Variants in EFHC1 observed in about 807,000 individuals in gnomAD.
EFHC1 encodes EF-hand domain-containing protein 1.
A neutral mutation model predicts 69.9 loss-of-function variants in EFHC1; 53 were observed. The observed-to-expected ratio is 0.76, with a 90% confidence interval of 0.61 to 0.95. EFHC1 has a LOEUF of 0.95. Ranked by LOEUF, EFHC1 falls within the 40% of genes least tolerant of loss-of-function variation. The pLI is 0.00. For missense variants in EFHC1, 739 were observed against 798.7 expected (o/e 0.93, Z 0.90); for synonymous variants, 256 against 278.4 (o/e 0.92, Z 0.80).
intron 1 of EFHC1, among the ~76,000 whole-genome samples, chr6:52,421,441 T>TTA (rs1554257728): frequency 6.6e-6 from 1 of 152,056 alleles, no homozygotes; most frequent in Non-Finnish European, 1.5e-5. Flanking sequence ...TTTTTTTTTT[T>TTA]AAACTCTTGC....
chr6:52,421,045 T>C lies in EFHC1; in HGVS notation c.63+572T>C, dbSNP rs1037441774. The C allele has an allele frequency of 4.0e-6, 4 of 996,568 alleles. No individual in the cohort carries two copies. The East Asian group carries it at 4.3e-4, about 108-fold the overall frequency. 61.7% of individuals were successfully genotyped at this position (996,568 alleles called of 1,614,324 possible). A position where few individuals can be genotyped will look rare whatever the true frequency, so the allele number is the denominator to read the frequency against. Reference sequence around the variant, plus strand: ...ATTTCCTGTTTTGTATGTATATCGATTCCGCTCCTCTTCTTTCCGCCAGGT... The same window carrying C: ...ATTTCCTGTTTTGTATGTATATCGACTCCGCTCCTCTTCTTTCCGCCAGGT... On this transcript the variant is annotated intron_variant, in intron 1 of 10. Transcript: ENST00000371068.
At chr6:52,482,938 G>T (rs949555791) in intron 9 of EFHC1, 1 of 397,888 alleles carries the variant, frequency 2.5e-6, no homozygotes, top group African/African-American at 2.1e-5. Flanking sequence ...ATCCTTATTG[G>T]CCAATTCTCT....
At chr6:52,492,181 C>T (rs552510973) in intron 10 of EFHC1, 89 bp from the exon 11 acceptor site, 34 of 1,156,378 alleles carry the variant, frequency 2.9e-5, no homozygotes, top group Non-Finnish European at 4.0e-5. Flanking sequence ...TACAAAGGCT[C>T]GGGATCATTA....
At chr6:52,489,729 TA>T in intron 9 of EFHC1, among the ~76,000 whole-genome samples, 1 of 152,352 alleles carries the variant, frequency 6.6e-6, no homozygotes, top group East Asian at 1.9e-4. Flanking sequence ...GATCTATAGC[TA>T]TATATTTATA....
intron 1 of EFHC1, among the ~76,000 whole-genome samples, chr6:52,422,847 A>G (rs780011986): frequency 6.6e-6 from 1 of 152,206 alleles, no homozygotes; most frequent in Admixed American, 6.5e-5. Context: ...TTCCATGCTT[A>G]TAATTGCAGT....
At chr6:52,438,133 G>C (rs563789359) in intron 2 of EFHC1, among the ~76,000 whole-genome samples, 171 bp from the exon 3 acceptor site, 3 of 152,252 alleles carry the variant, frequency 2.0e-5, no homozygotes, top group African/African-American at 7.2e-5. Flanking sequence ...TTTGTCCCAT[G>C]GACTATAGTT....
intron 3 of EFHC1, among the ~76,000 whole-genome samples, chr6:52,439,630 G>C (rs1452105013): frequency 1.3e-5 from 2 of 152,124 alleles, no homozygotes; most frequent in Non-Finnish European, 2.9e-5. Context: ...TAACAGCAAT[G>C]GAGGAAAATA....
chr6:52,443,482 A>G (rs960312367), intron 3 of EFHC1, among the ~76,000 whole-genome samples: 2 of 152,116 alleles, frequency 1.3e-5, no homozygotes, highest in Admixed American at 1.3e-4. Flanking sequence ...TAAGGAAGGG[A>G]TCCAGTTTCA....
intron 6 of EFHC1, among the ~76,000 whole-genome samples, chr6:52,467,972 A>G (rs1301221633): frequency 3.3e-5 from 5 of 152,240 alleles, no homozygotes; most frequent in African/African-American, 9.6e-5. Context: ...CAATGCAGGG[A>G]TAGAAGTAGA....
intron 5 of EFHC1, among the ~76,000 whole-genome samples, chr6:52,459,499 C>T (rs1477079754): frequency 6.6e-6 from 1 of 152,138 alleles, no homozygotes; most frequent in Non-Finnish European, 1.5e-5. Context: ...CAAATTAAAA[C>T]CATGTAAGAT....
At chr6:52,423,892 T>TA (rs1470919967) in intron 1 of EFHC1, 54 bp from the exon 2 acceptor site, 25 of 1,609,868 alleles carry the variant, frequency 1.6e-5, no homozygotes, top group Middle Eastern at 1.6e-4. Context: ...GTTTTTTTTT[T>TA]ACCTAACAAA....
chr6:52,457,313 A>T (rs1765065463), intron 5 of EFHC1, among the ~76,000 whole-genome samples: 1 of 152,224 alleles, frequency 6.6e-6, no homozygotes, highest in African/African-American at 2.4e-5. Context: ...GGCCTGAAAA[A>T]CTAAAGAAGT....
chr6:52,465,879 CAT>C (rs1278148540), intron 6 of EFHC1, among the ~76,000 whole-genome samples: 3 of 147,700 alleles, frequency 2.0e-5, no homozygotes, highest in East Asian at 2.0e-4. Context: ...TATTATAAAT[CAT>C]ATTGTTTATA....
Position 52,424,141 on chromosome 6 carries a change from C to G in EFHC1, c.259C>G (p.Pro87Ala). 1.2e-6 allele frequency: 2 copies of G among 1,614,002 alleles called. No individual in the cohort carries two copies. The highest frequency in any genetic ancestry group is 1.1e-5 in the South Asian group (1 of 91,082). ...PKQAPPADFI[P>A]AHVAFDKKVL... The stretch of plus-strand genomic sequence containing the variant: ...ACAAGCCCCACCTGCGGATTTTATT[C>G]CTGCGCATGTGGCCTTTGACAAAAA... The change falls in exon 2 of 11, where the codon CCT (proline) becomes GCT (alanine). Residue 87 changes from proline (P) to alanine (A), a missense_variant. Coordinates refer to ENST00000371068, the MANE Select transcript of EFHC1 (RefSeq NM_018100.4).
At chr6:52,459,738 G>T (rs1765121920) in intron 5 of EFHC1, among the ~76,000 whole-genome samples, 1 of 152,170 alleles carries the variant, frequency 6.6e-6, no homozygotes, top group African/African-American at 2.4e-5. Flanking sequence ...GCAGTGGCAT[G>T]GTCTTGGCTC....
chr6:52,492,531 T>C lies in EFHC1; in HGVS notation c.*190T>C. On this transcript the variant is annotated 3_prime_UTR_variant, in exon 11 of 11. Coordinates refer to ENST00000371068, the MANE Select transcript of EFHC1 (RefSeq NM_018100.4). Reference sequence around the variant, plus strand: ...TCTAAGATTGGTGCCTTATTTAGGGTGATAGGGGTATAGCAATGTCTAATT... The same window carrying C: ...TCTAAGATTGGTGCCTTATTTAGGGCGATAGGGGTATAGCAATGTCTAATT... 1 of 701,870 alleles carries C rather than the reference T, an allele frequency of 1.4e-6. No homozygotes were observed. The highest frequency in any genetic ancestry group is 2.6e-6 in the Non-Finnish European group (1 of 389,174). The allele number at this position is 701,870 out of a possible 1,614,324, so 43.5% of individuals were successfully genotyped here.
In EFHC1 at chr6:52,494,149, A is replaced by G. The variant is rs1765986380; in HGVS notation, c.*1808A>G. On this transcript the variant is annotated 3_prime_UTR_variant, in exon 11 of 11. Coordinates refer to ENST00000371068, the MANE Select transcript of EFHC1 (RefSeq NM_018100.4). ...TATGTCTCAATAAACTCACGTAAGT[A>G]AAAAATATCACAAGTTGAAAACACA... 2.2e-6 allele frequency: 1 copy of G among 452,324 alleles called. No individual in the cohort carries two copies. The highest frequency in any genetic ancestry group is 4.4e-6 in the Non-Finnish European group (1 of 226,782). The allele number at this position is 452,324 out of a possible 1,614,324, so 28.0% of individuals were successfully genotyped here. A position where few individuals can be genotyped will look rare whatever the true frequency, so the allele number is the denominator to read the frequency against.
chr6:52,438,622 T>C, intron 3 of EFHC1, 31 bp downstream of exon 3: 1 of 1,608,308 alleles, frequency 6.2e-7, no homozygotes, highest in Middle Eastern at 1.7e-4. Flanking sequence ...AGTTGTGGGG[T>C]CTGAGGCATC....
intron 9 of EFHC1, chr6:52,488,065 A>G (rs974838663): frequency 2.6e-5 from 4 of 152,230 alleles, no homozygotes; most frequent in African/African-American, 9.6e-5. Context: ...TTCCTGCTGT[A>G]TAAAGGGGAA....
Sources: allele counts gnomAD v4.1 joint callset (sites outside exome capture counted in the v4.1 genomes callset), GRCh38; gene constraint gnomAD v4.1.1; transcripts MANE v1.5; gene names NCBI Gene and HGNC (gene_info 2026-07-23, HGNC 2026-07-21).